The following DOCK3 variants were observed in gnomAD, a reference collection of about 807,000 sequenced individuals.
DOCK3 encodes dedicator of cytokinesis 3.
In DOCK3, 60 loss-of-function variants were observed where a neutral mutation model predicts 265.6. The observed-to-expected ratio is 0.23, with a 90% CI of 0.18 to 0.28. The LOEUF (loss-of-function observed/expected upper bound fraction) is 0.28. Ranked by LOEUF, DOCK3 falls within the 10% of genes least tolerant of loss-of-function variation. The pLI is 1.00. For synonymous variants in DOCK3, 881 were observed against 938.0 expected, an observed-to-expected ratio of 0.94 and a Z score of 1.11; for missense variants, 1,981 against 2,594.3, an observed-to-expected ratio of 0.76 and a Z score of 5.14.
At chr3:50,906,802 T>A (rs1384933352) in intron 4 of DOCK3, among the ~76,000 whole-genome samples, 1 of 152,092 alleles carries the variant, frequency 6.6e-6, no homozygotes, top group Non-Finnish European at 1.5e-5. Flanking sequence ...TGCTAGCTTT[T>A]GAATGTGTTT....
At chr3:51,099,689 A>G (rs2083003959) in intron 9 of DOCK3, among the ~76,000 whole-genome samples, 1 of 152,256 alleles carries the variant, frequency 6.6e-6, no homozygotes, top group Non-Finnish European at 1.5e-5. Flanking sequence ...TATAGGCTCT[A>G]GTAATATGGC....
intron 14 of DOCK3, among the ~76,000 whole-genome samples, chr3:51,221,945 C>T (rs542036141): frequency 2.6e-5 from 4 of 152,300 alleles, no homozygotes; most frequent in East Asian, 1.9e-4. Flanking sequence ...ACTCCATCAA[C>T]GTCCTCCCAG....
At chr3:50,977,923 C>G (rs971395262) in intron 5 of DOCK3, among the ~76,000 whole-genome samples, 6 of 152,052 alleles carry the variant, frequency 3.9e-5, no homozygotes, top group Non-Finnish European at 7.4e-5. Flanking sequence ...CCCTTTCTTC[C>G]AGTTGATCGC....
chr3:50,997,068 C>A (rs577783072), intron 5 of DOCK3, among the ~76,000 whole-genome samples: 10 of 152,280 alleles, frequency 6.6e-5, no homozygotes, highest in African/African-American at 2.2e-4. Context: ...CCTTCAGTGA[C>A]CTTTTGTGTT....
rs183572739 is a variant in DOCK3, at chr3:51,174,218, G to A, written c.1037+13516G>A. Among the ~76,000 whole-genome samples the A allele has an allele frequency of 6.9e-4, 105 of 152,266 alleles. 1 individual carries two copies. The Middle Eastern group carries it at 0.017, about 25-fold the overall frequency. On this transcript the variant is annotated intron_variant, in intron 12 of 52. Coordinates refer to ENST00000266037, the MANE Select transcript of DOCK3 (RefSeq NM_004947.5). ...CCCTGTAATCCCAGCACTTTGGGAGGCTGAGGTTAGGCGGATCACATGAGG... is the reference window on the plus strand; with the variant it reads ...CCCTGTAATCCCAGCACTTTGGGAGACTGAGGTTAGGCGGATCACATGAGG...
rs2108990199 is a variant in DOCK3, at chr3:51,280,199, C to T, written c.2917C>T (p.Leu973Phe). ...GGACAACTTCCAGAGCAAAGATGAA[C>T]TCAAGGTAGGCAGTAGAACACCTTT... ...LLDNFQSKDE[L>F]KEFLLKIFCV... is the part of the protein sequence containing the mutation. Residue 973 changes from leucine to phenylalanine, a missense_variant, in exon 27 of 53, where the codon CTC becomes TTC. Physicochemically the swap from Leu to Phe is conservative, Grantham distance 22 (BLOSUM62 0). This residue lies in a region of DOCK3 where 1,357 missense variants were observed against 1,866.8 expected (regional missense o/e 0.73). Coordinates refer to ENST00000266037, the MANE Select transcript of DOCK3 (RefSeq NM_004947.5). 6.2e-7 allele frequency: 1 copy of T among 1,613,418 alleles called. No homozygotes were observed. Among genetic ancestry groups the T allele is most frequent in the Middle Eastern group, 1.6e-4 (1 of 6,062 alleles).
intron 7 of DOCK3, among the ~76,000 whole-genome samples, chr3:51,080,902 ATT>A (rs759775181): frequency 5.7e-5 from 8 of 140,976 alleles, no homozygotes; most frequent in African/African-American, 2.6e-5. Flanking sequence ...GAATGCTTGA[ATT>A]TTTTTTTTTT....
At chr3:50,886,961 G>C (rs1575449922) in intron 3 of DOCK3, among the ~76,000 whole-genome samples, 1 of 151,956 alleles carries the variant, frequency 6.6e-6, no homozygotes, top group African/African-American at 2.4e-5. Context: ...AACTAGAAAA[G>C]CAAGAGCAAA....
chr3:51,357,014 A>G lies in DOCK3; in HGVS notation c.4556A>G (p.Gln1519Arg), dbSNP rs780585592. 6.2e-7 allele frequency: 1 copy of G among 1,613,526 alleles called. No individual in the cohort carries two copies. Among genetic ancestry groups the G allele is most frequent in the Admixed American group, 1.7e-5 (1 of 60,032 alleles). ...NAIQVVENKN[Q>R]ELRSLISQYQ... is the part of the protein sequence containing the mutation. Reference sequence around the variant, plus strand: ...ATCCAAGTGGTTGAGAATAAGAACCAGGAGCTACGCTCCCTGATCAGCCAG... The same window carrying G: ...ATCCAAGTGGTTGAGAATAAGAACCGGGAGCTACGCTCCCTGATCAGCCAG... The change falls in exon 44 of 53, where the codon CAG (glutamine) becomes CGG (arginine). Residue 1519 changes from glutamine to arginine, a missense_variant. This residue lies in a region of DOCK3 where 1,357 missense variants were observed against 1,866.8 expected (regional missense o/e 0.73). Coordinates refer to ENST00000266037, the MANE Select transcript of DOCK3 (RefSeq NM_004947.5).
In DOCK3 at chr3:51,277,638, A is replaced by T. The variant is rs757762309; in HGVS notation, c.2707A>T (p.Met903Leu). 6.4e-7 allele frequency: 1 copy of T among 1,574,208 alleles called. No individual in the cohort carries two copies. The highest frequency in any genetic ancestry group is 8.6e-7 in the Non-Finnish European group (1 of 1,159,490). The change falls in exon 26 of 53, where the codon ATG (methionine) becomes TTG (leucine). Residue 903 changes from methionine (M) to leucine (L), a missense_variant. Coordinates refer to ENST00000266037, the MANE Select transcript of DOCK3 (RefSeq NM_004947.5). ...AGATGTCATGGAGGAAGTAGAGATG[A>T]TGGTGGAGAGCCTCCTGGACGTGCT... ...EADVMEEVEM[M>L]VESLLDVLLQ...
chr3:51,107,207 C>T (rs1372782424), intron 9 of DOCK3, among the ~76,000 whole-genome samples: 1 of 152,084 alleles, frequency 6.6e-6, no homozygotes, highest in African/African-American at 2.4e-5. Flanking sequence ...AAAAACCATC[C>T]AAAGGATAGC....
intron 5 of DOCK3, among the ~76,000 whole-genome samples, chr3:50,972,789 T>C (rs527766887): frequency 1.3e-5 from 2 of 152,340 alleles, no homozygotes; most frequent in East Asian, 3.9e-4. Flanking sequence ...TTTGTACCAG[T>C]ACCATGCTGT....
chr3:50,833,694 C>G (rs1662198754), intron 2 of DOCK3, among the ~76,000 whole-genome samples: 1 of 152,082 alleles, frequency 6.6e-6, no homozygotes, highest in South Asian at 2.1e-4. Context: ...TCCCATGAGG[C>G]TTTTATTGCT....
At chr3:50,901,730 C>T (rs939586993) in intron 4 of DOCK3, 1 of 453,190 alleles carries the variant, frequency 2.2e-6, no homozygotes, top group Non-Finnish European at 4.4e-6. Context: ...GGAGGGAATT[C>T]CCTGACCCTC....
At chr3:51,135,835 T>A (rs2084769026) in intron 9 of DOCK3, among the ~76,000 whole-genome samples, 1 of 152,130 alleles carries the variant, frequency 6.6e-6, no homozygotes, top group Non-Finnish European at 1.5e-5. Context: ...TTCAGCCTCC[T>A]GAGTCGCCAG....
intron 13 of DOCK3, among the ~76,000 whole-genome samples, chr3:51,211,724 T>G (rs966008600): frequency 1.5e-4 from 23 of 152,226 alleles, no homozygotes; most frequent in Non-Finnish European, 4.4e-5. Context: ...TATTCCATGG[T>G]ATATATGTGC....
chr3:51,119,655 T>G (rs1253747825), intron 9 of DOCK3, among the ~76,000 whole-genome samples: 1 of 152,088 alleles, frequency 6.6e-6, no homozygotes, highest in Non-Finnish European at 1.5e-5. Context: ...AGGCTTCGTT[T>G]GTTCATTTTC....
chr3:50,804,431 C>T (rs1263190480), intron 2 of DOCK3, among the ~76,000 whole-genome samples: 3 of 152,134 alleles, frequency 2.0e-5, no homozygotes, highest in Non-Finnish European at 2.9e-5. Flanking sequence ...CACGTCACTG[C>T]ACTCCAGCCT....
chr3:51,003,684 C>A (rs2078563671), intron 5 of DOCK3, among the ~76,000 whole-genome samples: 1 of 152,164 alleles, frequency 6.6e-6, no homozygotes, highest in Non-Finnish European at 1.5e-5. Context: ...TTTCTTGATA[C>A]AATAAGCTGG....
Sources: gnomAD v4.1 joint callset for allele counts (sites outside exome capture counted in the v4.1 genomes callset) on GRCh38, gnomAD v4.1.1 for gene constraint, gnomAD v4.1.1 regional missense constraint, MANE v1.5 for transcripts, NCBI Gene and HGNC (gene_info 2026-07-23, HGNC 2026-07-21) for gene names.